The following NRL variants were observed in gnomAD, a reference collection of about 807,000 sequenced individuals.
NRL encodes neural retina leucine zipper.
Under a neutral mutation model 12.5 loss-of-function variants are expected in NRL, and 16 were observed. The ratio of observed to expected loss-of-function variants is 1.28; its 90% confidence interval spans 0.87 to 1.95. NRL has a LOEUF of 1.95. Ranked by LOEUF, NRL falls within the 30% of genes most tolerant of loss-of-function variation. The pLI, the probability that NRL is intolerant of heterozygous loss-of-function variation, is 0.00. For synonymous variants in NRL, 142 were observed against 150.9 expected (o/e 0.94, Z 0.43); for missense variants, 314 against 325.8 (o/e 0.96, Z 0.28).
At position 24,103,257 on chromosome 14, in the gene NRL, T is replaced by C. The variant is rs148019349; in HGVS notation, c.-28+11465A>G. ...CCACTGCTGCAGCAGAACACAAAGG[T>C]GAGCACCCTCACCATTCCTCCCTCT... On this transcript the variant is annotated intron_variant, in intron 1 of 2. Coordinates refer to ENST00000561028, the MANE Select transcript of NRL (RefSeq NM_001354768.3). 2,021 of 1,609,882 alleles carry C rather than the reference T, an allele frequency of 1.3e-3. 5 individuals carry two copies. The highest frequency in any genetic ancestry group is 2.2e-3 in the Admixed American group (133 of 59,942).
At chr14:24,089,729 C>T (rs1449242957) in intron 1 of NRL, among the ~76,000 whole-genome samples, 1 of 152,092 alleles carries the variant, frequency 6.6e-6, no homozygotes, top group Non-Finnish European at 1.5e-5. Flanking sequence ...TAATACAAAG[C>T]CAGAGGGGAT....
In NRL at chr14:24,094,343, G is replaced by T; in HGVS notation, c.-27-11468C>A. On this transcript the variant is annotated intron_variant, in intron 1 of 2. Transcript: ENST00000561028. The surrounding 1 kb of genome is among the most constrained non-coding windows in gnomAD (Gnocchi z 4.1). ...GCTTCGCCGCGCTCCCTCCTTCCCC[G>T]CCTTCCATACCTCCCCGGCTCCGCT... 6.8e-7 allele frequency: 1 copy of T among 1,467,698 alleles called. No individual in the cohort carries two copies. The highest frequency in any genetic ancestry group is 1.9e-4 in the Middle Eastern group (1 of 5,264). 90.9% of individuals were successfully genotyped at this position (1,467,698 alleles called of 1,614,324 possible). A position where few individuals can be genotyped will look rare whatever the true frequency, so the allele number is the denominator to read the frequency against.
In NRL at chr14:24,103,780, G is replaced by A. The variant is rs2037269395; in HGVS notation, c.-28+10942C>T. 2.5e-6 allele frequency: 4 copies of A among 1,614,042 alleles called. No individual in the cohort carries two copies. The East Asian group carries it at 8.9e-5, about 36-fold the overall frequency. On this transcript the variant is annotated intron_variant, in intron 1 of 2. Transcript: ENST00000561028. ...CCCATTGGGCTGGTGCCAAAGGAAGGAGCCTTGGATCTCAGCGGCCTCAGA... is the reference window on the plus strand; with the variant it reads ...CCCATTGGGCTGGTGCCAAAGGAAGAAGCCTTGGATCTCAGCGGCCTCAGA...
intron 1 of NRL, chr14:24,102,679 T>G: frequency 8.0e-7 from 1 of 1,250,752 alleles, no homozygotes; most frequent in Non-Finnish European, 1.1e-6. Context: ...CCTGCAAGAA[T>G]GTGTGCCCAT....
chr14:24,091,251 A>G (rs2036623496), intron 1 of NRL, among the ~76,000 whole-genome samples: 1 of 151,850 alleles, frequency 6.6e-6, no homozygotes, highest in Non-Finnish European at 1.5e-5. Flanking sequence ...CCCGGGTTCA[A>G]GCGATTCTCC....
chr14:24,088,828 CAG>C (rs2036535593), intron 1 of NRL, among the ~76,000 whole-genome samples: 1 of 121,140 alleles, frequency 8.3e-6, no homozygotes, highest in Non-Finnish European at 1.7e-5. Context: ...TTTTTTTTCA[CAG>C]AGTCTTGCTC....
At position 24,100,597 on chromosome 14, in the gene NRL, G is replaced by A. The variant is rs892476996; in HGVS notation, c.-28+14125C>T. The A allele has an allele frequency of 2.8e-6, 3 of 1,076,564 alleles. No individual in the cohort carries two copies. The South Asian group carries it at 1.2e-4, about 43-fold the overall frequency. The allele number at this position is 1,076,564 out of a possible 1,614,324, so 66.7% of individuals were successfully genotyped here. Reference sequence around the variant, plus strand: ...GATTTTTTTTTAATGAAAGGAAAAGGAAGGACTTTTGAACATTCTTACAGA... The same window carrying A: ...GATTTTTTTTTAATGAAAGGAAAAGAAAGGACTTTTGAACATTCTTACAGA... On this transcript the variant is annotated intron_variant, in intron 1 of 2. Transcript: ENST00000561028.
chr14:24,099,521 T>G, intron 1 of NRL: 1 of 1,542,790 alleles, frequency 6.5e-7, no homozygotes, highest in Non-Finnish European at 8.7e-7. Context: ...TGACTTTTGG[T>G]GACCTCTTTC....
intron 1 of NRL, chr14:24,100,384 A>G (rs913138508): frequency 1.4e-6 from 2 of 1,383,494 alleles, no homozygotes; most frequent in Admixed American, 3.1e-5. Flanking sequence ...TCCCAACTCC[A>G]CCAGTCACTG....
chr14:24,081,760 C>T lies in NRL; in HGVS notation c.382-192G>A, dbSNP rs1414051796. On this transcript the variant is annotated intron_variant, in intron 2 of 2. Coordinates refer to ENST00000561028, the MANE Select transcript of NRL (RefSeq NM_001354768.3). This position sits in a 1 kb window ranked among gnomAD's most constrained non-coding sequence, Gnocchi z 4.4. The stretch of plus-strand genomic sequence containing the variant: ...AGGCCCCGACGCTCCCCGGGCCCCC[C>T]AGCTGACCGTTGCTCCAGTCAGGCG... 4.6e-6 allele frequency: 7 copies of T among 1,519,862 alleles called. No individual in the cohort carries two copies. Among genetic ancestry groups the T allele is most frequent in the Non-Finnish European group, 6.1e-6 (7 of 1,139,242 alleles). 94.1% of individuals were successfully genotyped at this position (1,519,862 alleles called of 1,614,324 possible).
rs1256257682 is a variant in NRL at position 24,085,537 on chromosome 14, C to T, written c.-27-2662G>A. Among the ~76,000 whole-genome samples, 1 of 152,138 alleles carries T rather than the reference C, an allele frequency of 6.6e-6. No individual in the cohort carries two copies. Among genetic ancestry groups the T allele is most frequent in the African/African-American group, 2.4e-5 (1 of 41,414 alleles). On this transcript the variant is annotated intron_variant, in intron 1 of 2. Coordinates refer to ENST00000561028, the MANE Select transcript of NRL (RefSeq NM_001354768.3). This position sits in a 1 kb window ranked among gnomAD's most constrained non-coding sequence, Gnocchi z 4.1. ...GGGAACAGGGATACTAGGAATTATCCAAGGAGATGTTTAAACCTGTCCGAA... is the reference window on the plus strand; with the variant it reads ...GGGAACAGGGATACTAGGAATTATCTAAGGAGATGTTTAAACCTGTCCGAA...
At position 24,079,933 on chromosome 14, in the gene NRL, G is replaced by A. The variant is rs964107543; in HGVS notation, c.*1303C>T. ...AGTTTGGTGGTGGTGGTGGTGAGAG[G>A]GGGAGGATCCATCTGTTCCAATGCC... On this transcript the variant is annotated 3_prime_UTR_variant, in exon 3 of 3. Coordinates refer to ENST00000561028, the MANE Select transcript of NRL (RefSeq NM_001354768.3). Among the ~76,000 whole-genome samples, 1 of 151,994 alleles carries A rather than the reference G, an allele frequency of 6.6e-6. No homozygotes were observed. The highest frequency in any genetic ancestry group is 2.4e-5 in the African/African-American group (1 of 41,370).
At chr14:24,109,691 C>T (rs1358874599) in intron 1 of NRL, among the ~76,000 whole-genome samples, 1 of 147,794 alleles carries the variant, frequency 6.8e-6, no homozygotes, top group African/African-American at 2.5e-5. Flanking sequence ...GAGCAAGACT[C>T]CATCTCAAAA....
In NRL at chr14:24,082,542, C is replaced by T. The variant is rs761672546; in HGVS notation, c.307G>A (p.Gly103Ser). 37 of 1,613,368 alleles carry T rather than the reference C, an allele frequency of 2.3e-5. No individual in the cohort carries two copies. In the Admixed American group the frequency reaches 3.0e-4, roughly 13 times the overall value. The change falls in exon 2 of 3, where the codon GGC becomes AGC. Residue 103 changes from glycine (G) to serine (S), a missense_variant. Physicochemically the swap from Gly to Ser is moderately conservative, Grantham distance 56. Transcript: ENST00000561028. ...TGGGGCCCATCAACAGGGACTGGGC[C>T]CTGACCCTGCAGCAGCTCCATGGCC... ...EEAMELLQGQ[G>S]PVPVDGPHGY...
chr14:24,091,118 CCTGTGTGTGTGTGTGTGT>C (rs1299325981), intron 1 of NRL, among the ~76,000 whole-genome samples: 2 of 119,768 alleles, frequency 1.7e-5, no homozygotes, highest in African/African-American at 6.3e-5. Flanking sequence ...ACAGAAAAGG[CCTGTGTGTGTGTGTGTGT>C]GTGTGTGTGT....
At chr14:24,090,866 G>C (rs1345799775) in intron 1 of NRL, among the ~76,000 whole-genome samples, 2 of 152,212 alleles carry the variant, frequency 1.3e-5, no homozygotes, top group Non-Finnish European at 2.9e-5. Context: ...GAAAGTAATG[G>C]TGGGGAAGAA....
chr14:24,099,149 C>A (rs1401839142), intron 1 of NRL: 3 of 1,611,508 alleles, frequency 1.9e-6, no homozygotes. Context: ...GCTATGGTGG[C>A]AACTCCCTGC....
At chr14:24,082,277 C>T (rs1404163710) in intron 2 of NRL, among the ~76,000 whole-genome samples, 191 bp downstream of exon 2, 1 of 152,214 alleles carries the variant, frequency 6.6e-6, no homozygotes, top group Non-Finnish European at 1.5e-5. Flanking sequence ...CATTTCTCTC[C>T]ATTTTAAGAA....
Position 24,094,718 on chromosome 14 carries a change from C to T in NRL, c.-27-11843G>A. 6.7e-7 allele frequency: 1 copy of T among 1,501,456 alleles called. No homozygotes were observed. The highest frequency in any genetic ancestry group is 2.6e-5 in the East Asian group (1 of 37,980). 93.0% of individuals were successfully genotyped at this position (1,501,456 alleles called of 1,614,324 possible). A position where few individuals can be genotyped will look rare whatever the true frequency, so the allele number is the denominator to read the frequency against. ...TCTCAGAACTTCCTCTCTCTCCTCGCTCCTCTCTGCTGAGCCAGGTCTCCG... is the reference window on the plus strand; with the variant it reads ...TCTCAGAACTTCCTCTCTCTCCTCGTTCCTCTCTGCTGAGCCAGGTCTCCG... On this transcript the variant is annotated intron_variant, in intron 1 of 2. Coordinates refer to ENST00000561028, the MANE Select transcript of NRL (RefSeq NM_001354768.3). This position sits in a 1 kb window ranked among gnomAD's most constrained non-coding sequence, Gnocchi z 4.1.
Sources: allele counts gnomAD v4.1 joint callset (sites outside exome capture counted in the v4.1 genomes callset), GRCh38; gene constraint gnomAD v4.1.1; non-coding constraint Gnocchi (gnomAD v3.1); transcripts MANE v1.5; gene names NCBI Gene and HGNC (gene_info 2026-07-23, HGNC 2026-07-21).